ACSS3: variants seen among roughly 807,000 people sequenced by gnomAD.
ACSS3 encodes the protein acyl-CoA synthetase short chain family member 3.
A neutral mutation model predicts 84.2 loss-of-function variants in ACSS3; 64 were observed. The ratio of observed to expected loss-of-function variants is 0.76; its 90% CI spans 0.62 to 0.94. The LOEUF (loss-of-function observed/expected upper bound fraction) is 0.94, where lower values mean the gene tolerates loss of function less well. Ranked by LOEUF, ACSS3 falls within the 40% of genes least tolerant of loss-of-function variation. The pLI, the probability that ACSS3 is intolerant of heterozygous loss-of-function variation, is 0.00. For synonymous variants in ACSS3, 317 were observed against 310.1 expected (o/e 1.02, Z -0.23); for missense variants, 815 against 867.6 (o/e 0.94, Z 0.76).
intron 11 of ACSS3, among the ~76,000 whole-genome samples, chr12:81,230,834 G>C (rs2033434248): frequency 6.6e-6 from 1 of 151,616 alleles, no homozygotes; most frequent in Non-Finnish European, 1.5e-5. Context: ...TGTGCCTTTT[G>C]TGCACTTTCC....
intron 7 of ACSS3, among the ~76,000 whole-genome samples, chr12:81,170,001 CA>C (rs973405986): frequency 6.6e-6 from 1 of 151,820 alleles, no homozygotes; most frequent in Non-Finnish European, 1.5e-5. Flanking sequence ...AATCCTGCCA[CA>C]AAAAAAGAGG....
At chr12:81,087,137 A>C (rs1881371927) in intron 1 of ACSS3, among the ~76,000 whole-genome samples, 1 of 152,162 alleles carries the variant, frequency 6.6e-6, no homozygotes, top group Admixed American at 6.6e-5. Context: ...AGGTCTTTCA[A>C]ATACTAAATT....
rs2034256474 is a variant in ACSS3 at position 81,254,888 on chromosome 12, T to C, written c.2027T>C (p.Phe676Ser). Residue 676 changes from phenylalanine (F) to serine (S), a missense_variant, in exon 16 of 16, where the codon TTT becomes TCT. Phe to Ser is a radical substitution (Grantham distance 155). Transcript: ENST00000548058. ...ITSTIEDPSI[F>S]GHVEEMLKQA ...TCTACAATTGAAGACCCCAGCATTT[T>C]TGGCCACGTAGAAGAAATGCTGAAG... 5 of 1,609,582 alleles carry C rather than the reference T, an allele frequency of 3.1e-6. No individual in the cohort carries two copies. The highest frequency in any genetic ancestry group is 4.2e-6 in the Non-Finnish European group (5 of 1,177,942).
Position 81,078,301 on chromosome 12 carries a change from G to T in ACSS3, c.181G>T (p.Glu61Ter). The change falls in exon 1 of 16, where the codon GAG (glutamate) becomes TAG (stop). Residue 61 changes from glutamate to a stop codon, truncating the protein, a stop_gained. Coordinates refer to ENST00000548058, the MANE Select transcript of ACSS3 (RefSeq NM_024560.4). LOFTEE classifies it high-confidence loss of function. ...GGCACTGTCCTCCGGCAGTGGCAGC[G>T]AGTACAAGACCCACTTCGCAGCCTC... ...CRALSSGSGS[E>*]YKTHFAASVT... is the part of the protein sequence containing the mutation. 1.9e-6 allele frequency: 3 copies of T among 1,612,194 alleles called. No homozygotes were observed. Among genetic ancestry groups the T allele is most frequent in the Non-Finnish European group, 2.5e-6 (3 of 1,179,952 alleles).
chr12:81,179,971 A>G (rs1268417961), intron 8 of ACSS3, among the ~76,000 whole-genome samples: 2 of 152,180 alleles, frequency 1.3e-5, no homozygotes, highest in Admixed American at 6.5e-5. Context: ...TGGCAAAGAC[A>G]TGTGATCAAG....
chr12:81,163,883 T>C (rs998702994), intron 7 of ACSS3, among the ~76,000 whole-genome samples: 3 of 152,196 alleles, frequency 2.0e-5, no homozygotes, highest in African/African-American at 7.2e-5. Context: ...AGCTGTCTTA[T>C]TACAAGTCAA....
At chr12:81,233,027 A>G (rs1291176549) in intron 12 of ACSS3, among the ~76,000 whole-genome samples, 4 of 151,744 alleles carry the variant, frequency 2.6e-5, no homozygotes, top group Non-Finnish European at 1.5e-5. Flanking sequence ...TTATTTTGCA[A>G]TATCAAAGTA....
intron 13 of ACSS3, among the ~76,000 whole-genome samples, chr12:81,244,329 T>G (rs1163403756): frequency 6.6e-6 from 1 of 152,078 alleles, no homozygotes; most frequent in Non-Finnish European, 1.5e-5. Context: ...GAGTATGATA[T>G]GCCTACATGT....
intron 15 of ACSS3, 69 bp from the exon 16 acceptor site, chr12:81,254,788 T>C: frequency 1.0e-5 from 13 of 1,257,230 alleles, no homozygotes; most frequent in Non-Finnish European, 1.5e-5. Context: ...TGCATATAAT[T>C]GTTTAATTAT....
intron 1 of ACSS3, among the ~76,000 whole-genome samples, chr12:81,089,815 T>G (rs973291082): frequency 6.6e-6 from 1 of 152,128 alleles, no homozygotes; most frequent in African/African-American, 2.4e-5. Context: ...AATCACTATA[T>G]GTATATTATC....
At chr12:81,200,824 G>A (rs184966852) in intron 9 of ACSS3, among the ~76,000 whole-genome samples, 1 of 149,644 alleles carries the variant, frequency 6.7e-6, no homozygotes, top group Non-Finnish European at 1.5e-5. Context: ...AACCCAGGAG[G>A]AGGAGGTTGC....
intron 8 of ACSS3, among the ~76,000 whole-genome samples, chr12:81,186,533 C>A (rs1224296670): frequency 1.3e-5 from 2 of 151,500 alleles, no homozygotes; most frequent in Non-Finnish European, 3.0e-5. Context: ...ATAACCTGAT[C>A]AAAAAATGGG....
chr12:81,169,289 A>G (rs1221386463), intron 7 of ACSS3, among the ~76,000 whole-genome samples: 5 of 152,186 alleles, frequency 3.3e-5, no homozygotes. Context: ...TAAATTTTCA[A>G]TTATTAAAGG....
chr12:81,210,360 A>G (rs947227621), intron 9 of ACSS3, among the ~76,000 whole-genome samples: 6 of 152,214 alleles, frequency 3.9e-5, no homozygotes, highest in Non-Finnish European at 7.3e-5. Context: ...AGGACCACTC[A>G]TAACTCTTGG....
intron 1 of ACSS3, among the ~76,000 whole-genome samples, chr12:81,092,568 T>TA (rs1442349783): frequency 6.6e-6 from 1 of 152,058 alleles, no homozygotes; most frequent in Non-Finnish European, 1.5e-5. Context: ...TTTAATAGAT[T>TA]AAAAAAACAA....
chr12:81,247,796 G>A (rs1166385130), intron 13 of ACSS3, among the ~76,000 whole-genome samples: 1 of 152,092 alleles, frequency 6.6e-6, no homozygotes, highest in Non-Finnish European at 1.5e-5. Flanking sequence ...GATGTATCCA[G>A]CTCTTATTAA....
rs769661021 is a variant in ACSS3, at chr12:81,098,129, TGAGAGA to T, written c.312-11413_312-11408del. ...TTGGCATATCTAAATGGTCCCAGTATGAGAGAGAGAGAGAGAGAGAGAGTGTGTGTG... is the reference window on the plus strand; with the variant it reads ...TTGGCATATCTAAATGGTCCCAGTATGAGAGAGAGAGAGAGAGTGTGTGTG... On this transcript the variant is annotated intron_variant, in intron 1 of 15. Coordinates refer to ENST00000548058, the MANE Select transcript of ACSS3 (RefSeq NM_024560.4). 3.7e-5 allele frequency among the ~76,000 whole-genome samples: 5 copies of T among 135,058 alleles called. No individual in the cohort carries two copies. In the Admixed American group the frequency reaches 3.8e-4, roughly 10 times the overall value. 88.6% of individuals were successfully genotyped at this position (135,058 alleles called of 152,430 possible). A position where few individuals can be genotyped will look rare whatever the true frequency, so the allele number is the denominator to read the frequency against.
upstream of ACSS3, chr12:81,078,055 C>T: frequency 7.0e-7 from 1 of 1,427,358 alleles, no homozygotes; most frequent in Non-Finnish European, 9.2e-7. Flanking sequence ...TCCCTTCCCT[C>T]AGGCCCCAGG....
intron 8 of ACSS3, among the ~76,000 whole-genome samples, chr12:81,185,510 C>T (rs2031205767): frequency 6.6e-6 from 1 of 151,532 alleles, no homozygotes; most frequent in East Asian, 1.9e-4. Context: ...ACAAAATCAG[C>T]ATACAAAAAT....
Sources: gnomAD v4.1 joint callset for allele counts (sites outside exome capture counted in the v4.1 genomes callset) on GRCh38, gnomAD v4.1.1 for gene constraint, MANE v1.5 for transcripts, NCBI Gene and HGNC (gene_info 2026-07-23, HGNC 2026-07-21) for gene names.